The following INSYN2B variants were observed in gnomAD, a reference collection of about 807,000 sequenced individuals.
INSYN2B encodes inhibitory synaptic factor family member 2B.
Under a neutral mutation model 41.2 loss-of-function variants are expected in INSYN2B, and 16 were observed. The observed-to-expected ratio is 0.39, with a 90% CI of 0.26 to 0.59. The LOEUF (loss-of-function observed/expected upper bound fraction) is 0.59. INSYN2B is among the 20% of genes least tolerant of loss of function. INSYN2B has a pLI of 0.57. For synonymous variants in INSYN2B, 245 were observed against 244.4 expected, an observed-to-expected ratio of 1.00 and a Z score of -0.02; for missense variants, 608 against 646.4, an observed-to-expected ratio of 0.94 and a Z score of 0.64.
intron 1 of INSYN2B, among the ~76,000 whole-genome samples, chr5:169,895,909 CCTT>C (rs1375128538): frequency 6.6e-6 from 1 of 152,224 alleles, no homozygotes; most frequent in Admixed American, 6.5e-5. Context: ...AACCTTCCTT[CCTT>C]CTTCCCTATT....
intron 1 of INSYN2B, among the ~76,000 whole-genome samples, chr5:169,911,539 G>A (rs908840036): frequency 3.3e-5 from 5 of 152,184 alleles, no homozygotes; most frequent in African/African-American, 1.2e-4. Context: ...TCCTGAGACA[G>A]TTTGAGATAA....
chr5:169,881,270 G>GC, intron 3 of INSYN2B, 98 bp downstream of exon 3: 2 of 946,750 alleles, frequency 2.1e-6, no homozygotes, highest in Middle Eastern at 2.1e-4. Flanking sequence ...CCTTGTTTTT[G>GC]CCTCTCTTGA....
rs1004100110 is a variant in INSYN2B at position 169,861,812 on chromosome 5, C to T, written c.*2461G>A. Among the ~76,000 whole-genome samples, 1 of 152,178 alleles carries T rather than the reference C, an allele frequency of 6.6e-6. No homozygotes were observed. The highest frequency in any genetic ancestry group is 2.4e-5 in the African/African-American group (1 of 41,442). ...TCAATTTTTCAGAAGAGAACTCCTT[C>T]CCAGTTTCAGGTCAGTGGCCCAAGC... On this transcript the variant is annotated 3_prime_UTR_variant, in exon 4 of 4. Transcript: ENST00000377365.
intron 1 of INSYN2B, among the ~76,000 whole-genome samples, chr5:169,963,468 A>C (rs1581477676): frequency 6.6e-6 from 1 of 152,176 alleles, no homozygotes; most frequent in Non-Finnish European, 1.5e-5. Context: ...CTCTGGTCCT[A>C]GGCCCATTGT....
At chr5:169,877,734 G>A (rs574817245) in intron 3 of INSYN2B, among the ~76,000 whole-genome samples, 67 of 152,190 alleles carry the variant, frequency 4.4e-4, no homozygotes, top group Non-Finnish European at 8.7e-4. Flanking sequence ...TAAAGTCCAT[G>A]AGTGCAGTTG....
intron 1 of INSYN2B, among the ~76,000 whole-genome samples, chr5:169,936,598 T>C (rs79018534): frequency 1.1e-4 from 16 of 150,582 alleles, no homozygotes; most frequent in African/African-American, 3.7e-4. Flanking sequence ...TTTTTTTTTT[T>C]TATGAATTAG....
chr5:169,888,763 A>G (rs544564698), intron 1 of INSYN2B, among the ~76,000 whole-genome samples: 3 of 152,210 alleles, frequency 2.0e-5, no homozygotes, highest in African/African-American at 4.8e-5. Context: ...GAAATAATCT[A>G]TATGAAATGG....
chr5:169,927,988 G>A (rs766907494), intron 1 of INSYN2B, among the ~76,000 whole-genome samples: 2 of 152,154 alleles, frequency 1.3e-5, no homozygotes, highest in South Asian at 2.1e-4. Flanking sequence ...GTTTCAGTAG[G>A]TGTGGGAATT....
intron 3 of INSYN2B, among the ~76,000 whole-genome samples, chr5:169,867,535 A>G (rs938377172): frequency 2.6e-5 from 4 of 151,588 alleles, no homozygotes; most frequent in African/African-American, 4.9e-5. Flanking sequence ...TCTATCATCT[A>G]TCATGTATCT....
chr5:169,911,382 A>G (rs1009906020), intron 1 of INSYN2B, among the ~76,000 whole-genome samples: 1 of 152,160 alleles, frequency 6.6e-6, no homozygotes, highest in Admixed American at 6.5e-5. Context: ...CGTTCACAGG[A>G]CATCAGAGCC....
intron 1 of INSYN2B, among the ~76,000 whole-genome samples, chr5:169,969,828 C>T (rs1221612302): frequency 2.0e-5 from 3 of 152,254 alleles, no homozygotes; most frequent in Non-Finnish European, 4.4e-5. Context: ...AAAGGGCCTG[C>T]TCTCTTCAGG....
At chr5:169,972,393 C>A (rs948417357) in intron 1 of INSYN2B, among the ~76,000 whole-genome samples, 1 of 152,020 alleles carries the variant, frequency 6.6e-6, no homozygotes, top group Non-Finnish European at 1.5e-5. Context: ...GGGGGCTATC[C>A]TATGTATTGT....
intron 1 of INSYN2B, among the ~76,000 whole-genome samples, chr5:169,891,128 G>C (rs889144723): frequency 3.3e-5 from 5 of 151,852 alleles, no homozygotes; most frequent in African/African-American, 9.7e-5. Flanking sequence ...ATGGTCCCTG[G>C]CCCTGAACAT....
intron 1 of INSYN2B, among the ~76,000 whole-genome samples, chr5:169,914,305 C>T (rs1774761112): frequency 6.6e-6 from 1 of 152,176 alleles, no homozygotes; most frequent in South Asian, 2.1e-4. Flanking sequence ...CTTTCATAAC[C>T]CATATAGATA....
At chr5:169,940,551 G>T (rs1776199141) in intron 1 of INSYN2B, among the ~76,000 whole-genome samples, 1 of 152,176 alleles carries the variant, frequency 6.6e-6, no homozygotes, top group African/African-American at 2.4e-5. Context: ...TGGGAACCCT[G>T]AGCTTGTTTT....
intron 1 of INSYN2B, among the ~76,000 whole-genome samples, chr5:169,954,695 CTTG>C (rs963676229): frequency 2.6e-4 from 40 of 152,292 alleles, no homozygotes; most frequent in Non-Finnish European, 2.1e-4. Flanking sequence ...CCCTTTCAAA[CTTG>C]TTGTTGTTGT....
chr5:169,867,626 ATCT>A (rs1771669692), intron 3 of INSYN2B, among the ~76,000 whole-genome samples: 1 of 8,764 alleles, frequency 1.1e-4, no homozygotes, highest in Non-Finnish European at 2.3e-4. Context: ...ATTATCTATC[ATCT>A]ATCTATCTAT....
At chr5:169,919,330 G>T (rs1775048504) in intron 1 of INSYN2B, among the ~76,000 whole-genome samples, 1 of 152,150 alleles carries the variant, frequency 6.6e-6, no homozygotes, top group African/African-American at 2.4e-5. Flanking sequence ...TGCTCTCCTT[G>T]AAGGTTTATG....
chr5:169,878,022 G>T (rs1772427985), intron 3 of INSYN2B, among the ~76,000 whole-genome samples: 1 of 152,318 alleles, frequency 6.6e-6, no homozygotes, highest in South Asian at 2.1e-4. Flanking sequence ...AAACCAAGCA[G>T]TTTTTTCCTG....
Sources: gnomAD v4.1 joint callset for allele counts (sites outside exome capture counted in the v4.1 genomes callset) on GRCh38, gnomAD v4.1.1 for gene constraint, MANE v1.5 for transcripts, NCBI Gene and HGNC (gene_info 2026-07-23, HGNC 2026-07-21) for gene names.